The following PDE6D variants were observed in gnomAD, a reference collection of about 807,000 sequenced individuals.
PDE6D encodes the protein phosphodiesterase 6D, also known as retinal rod rhodopsin-sensitive cGMP 3',5'-cyclic phosphodiesterase subunit delta.
A neutral mutation model predicts 21.9 loss-of-function variants in PDE6D; 10 were observed. That is an observed-to-expected ratio of 0.46 (90% confidence interval 0.28 to 0.78). The LOEUF (loss-of-function observed/expected upper bound fraction) is 0.78, where lower values mean the gene tolerates loss of function less well. Among genes scored for constraint, PDE6D ranks in the 30% least tolerant of loss-of-function variants. The pLI is 0.12. For synonymous variants in PDE6D, 59 were observed against 63.5 expected, an observed-to-expected ratio of 0.93 and a Z score of 0.34; for missense variants, 139 against 184.8, an observed-to-expected ratio of 0.75 and a Z score of 1.44.
chr2:231,746,529 T>C (rs932491794), intron 1 of PDE6D, among the ~76,000 whole-genome samples: 1 of 152,208 alleles, frequency 6.6e-6, no homozygotes, highest in Non-Finnish European at 1.5e-5. Context: ...CCTGTTAAAG[T>C]AGTTTGTAAC....
chr2:231,743,296 C>G (rs1057408431), intron 1 of PDE6D, among the ~76,000 whole-genome samples: 1 of 151,750 alleles, frequency 6.6e-6, no homozygotes, highest in Non-Finnish European at 1.5e-5. Flanking sequence ...TGGTGGTGTG[C>G]GCCTGTAGTC....
chr2:231,748,181 A>C (rs1034128792), intron 1 of PDE6D, among the ~76,000 whole-genome samples: 1 of 152,204 alleles, frequency 6.6e-6, no homozygotes, highest in African/African-American at 2.4e-5. Context: ...GCTCAGAAGA[A>C]GACAGGAAAA....
intron 1 of PDE6D, 89 bp downstream of exon 1, chr2:231,780,976 C>G: frequency 8.4e-7 from 1 of 1,191,200 alleles, no homozygotes; most frequent in Non-Finnish European, 1.2e-6. Context: ...GTGGGGCCCA[C>G]CTGGCGCGGC....
At chr2:231,777,152 A>G (rs2049063886) in intron 1 of PDE6D, among the ~76,000 whole-genome samples, 1 of 152,198 alleles carries the variant, frequency 6.6e-6, no homozygotes, top group South Asian at 2.1e-4. Context: ...TGTAGTGATA[A>G]ACTCTTCTCA....
chr2:231,741,417 A>C (rs1315148005), intron 1 of PDE6D, among the ~76,000 whole-genome samples: 1 of 152,168 alleles, frequency 6.6e-6, no homozygotes, highest in Non-Finnish European at 1.5e-5. Context: ...TCAAAATGAC[A>C]GAGAAAACCA....
At chr2:231,751,029 T>G (rs188288626) in intron 1 of PDE6D, among the ~76,000 whole-genome samples, 47 of 152,260 alleles carry the variant, frequency 3.1e-4, no homozygotes, top group Admixed American at 2.0e-3. Flanking sequence ...CAAATCCTCA[T>G]TACCAATCTA....
intron 1 of PDE6D, among the ~76,000 whole-genome samples, chr2:231,757,471 T>C (rs1482857088): frequency 1.3e-5 from 2 of 152,124 alleles, no homozygotes; most frequent in African/African-American, 4.8e-5. Context: ...CTAATTGTTG[T>C]ATTTTTAGTA....
intron 1 of PDE6D, among the ~76,000 whole-genome samples, chr2:231,751,892 T>G (rs759974833): frequency 1.2e-4 from 18 of 152,172 alleles, no homozygotes; most frequent in Non-Finnish European, 2.5e-4. Context: ...ACTGTCCCCT[T>G]TGGAAGGGAG....
At chr2:231,753,971 C>G (rs555006630) in intron 1 of PDE6D, among the ~76,000 whole-genome samples, 2 of 152,328 alleles carry the variant, frequency 1.3e-5, no homozygotes, top group South Asian at 4.1e-4. Flanking sequence ...CCTCTATGCA[C>G]TCTGGTGAGC....
At chr2:231,761,620 A>AAT (rs2048927723) in intron 1 of PDE6D, among the ~76,000 whole-genome samples, 1 of 152,258 alleles carries the variant, frequency 6.6e-6, no homozygotes, top group Non-Finnish European at 1.5e-5. Context: ...AAAGGTGAAC[A>AAT]ATATTTCTAG....
chr2:231,743,617 T>C (rs2048768612), intron 1 of PDE6D, among the ~76,000 whole-genome samples: 1 of 152,070 alleles, frequency 6.6e-6, no homozygotes, highest in African/African-American at 2.4e-5. Context: ...GTGCAATTCC[T>C]AACAAACTCT....
intron 3 of PDE6D, chr2:231,737,520 GAC>G (rs1461653495): frequency 2.2e-6 from 1 of 458,130 alleles, no homozygotes; most frequent in South Asian, 3.5e-5. Context: ...AAAGGACTAG[GAC>G]CAGCGAGCAG....
chr2:231,748,867 C>T (rs1423819658), intron 1 of PDE6D, among the ~76,000 whole-genome samples: 1 of 152,144 alleles, frequency 6.6e-6, no homozygotes, highest in Non-Finnish European at 1.5e-5. Context: ...GTTGAGCATG[C>T]GGGTGCACAG....
At chr2:231,736,220 A>G (rs1041597481) in intron 4 of PDE6D, among the ~76,000 whole-genome samples, 1 of 152,158 alleles carries the variant, frequency 6.6e-6, no homozygotes, top group Non-Finnish European at 1.5e-5. Flanking sequence ...AAAAAACCTT[A>G]AAGTCAATAA....
chr2:231,773,055 T>C (rs73086900), intron 1 of PDE6D, among the ~76,000 whole-genome samples: 5 of 152,024 alleles, frequency 3.3e-5, no homozygotes, highest in South Asian at 2.1e-4. Context: ...CTGGGCAACA[T>C]AGTGAAACCG....
chr2:231,762,702 CT>C (rs1467661134), intron 1 of PDE6D, among the ~76,000 whole-genome samples: 3 of 152,016 alleles, frequency 2.0e-5, no homozygotes, highest in Non-Finnish European at 4.4e-5. Flanking sequence ...GCAAAATTAT[CT>C]TAATGGACGT....
chr2:231,777,685 C>CA (rs147153722), intron 1 of PDE6D, among the ~76,000 whole-genome samples: 1,837 of 149,606 alleles, frequency 0.012, 27 homozygotes, highest in African/African-American at 0.042. Context: ...AGAAATAATC[C>CA]AAAAAAAAAC....
chr2:231,742,393 G>A (rs1214548953), intron 1 of PDE6D, among the ~76,000 whole-genome samples: 3 of 152,158 alleles, frequency 2.0e-5, no homozygotes, highest in Admixed American at 6.5e-5. Flanking sequence ...AAAGTGCTGC[G>A]ATTACAGGTG....
chr2:231,744,433 T>C (rs556816976), intron 1 of PDE6D, among the ~76,000 whole-genome samples: 2 of 146,742 alleles, frequency 1.4e-5, no homozygotes, highest in Admixed American at 1.4e-4. Context: ...TAATTGCTTT[T>C]CTTTTTTTTT....
Sources: allele counts gnomAD v4.1 joint callset (sites outside exome capture counted in the v4.1 genomes callset), GRCh38; gene constraint gnomAD v4.1.1; transcripts MANE v1.5; gene names NCBI Gene and HGNC (gene_info 2026-07-23, HGNC 2026-07-21).